Variants in ANO2 observed in about 807,000 individuals in gnomAD.
The protein encoded by ANO2 is anoctamin-2.
In ANO2, 101 loss-of-function variants were observed where a neutral mutation model predicts 124.2. The ratio of observed to expected loss-of-function variants is 0.81; its 90% CI spans 0.69 to 0.96. ANO2 has a LOEUF of 0.96. ANO2 is among the 40% of genes least tolerant of loss of function. The pLI, the probability that ANO2 is intolerant of heterozygous loss-of-function variation, is 0.00. For synonymous variants in ANO2, 486 were observed against 482.5 expected (o/e 1.01, Z -0.09); for missense variants, 1,293 against 1,274.5 (o/e 1.01, Z -0.22).
At chr12:5,733,711 T>C (rs576367437) in intron 13 of ANO2, among the ~76,000 whole-genome samples, 1 of 152,160 alleles carries the variant, frequency 6.6e-6, no homozygotes, top group Non-Finnish European at 1.5e-5. Context: ...CTAAAACAAC[T>C]GCAGGCGGTG....
rs528232834 is a variant in ANO2 at position 5,657,123 on chromosome 12, A to G, written c.1546-9322T>C. ...ACGAATGACTTCAGTAAACCAGGGC[A>G]GCTTAAATTGCATGACAGATAGGAG... On this transcript the variant is annotated intron_variant, in intron 14 of 24. Coordinates refer to ENST00000682330, the MANE Select transcript of ANO2 (RefSeq NM_001364791.2). 7.2e-5 allele frequency among the ~76,000 whole-genome samples: 11 copies of G among 152,386 alleles called. No homozygotes were observed. The South Asian group carries it at 2.3e-3, about 32-fold the overall frequency.
rs149895336 is a variant in ANO2 at position 5,933,574 on chromosome 12, C to A, written c.23-10770G>T. On this transcript the variant is annotated intron_variant, in intron 1 of 24. Coordinates refer to ENST00000682330, the MANE Select transcript of ANO2 (RefSeq NM_001364791.2). Reference sequence around the variant, plus strand: ...GATTCCTAACTGTTTTTCTGATACACGTACCCTTTATAAAATTCACAAAAT... The same window carrying A: ...GATTCCTAACTGTTTTTCTGATACAAGTACCCTTTATAAAATTCACAAAAT... 5.6e-3 allele frequency among the ~76,000 whole-genome samples: 847 copies of A among 152,252 alleles called. 13 individuals are homozygous for A. The highest frequency in any genetic ancestry group is 0.02 in the African/African-American group (811 of 41,560).
At chr12:5,697,169 C>T (rs1287990342) in intron 14 of ANO2, among the ~76,000 whole-genome samples, 1 of 152,160 alleles carries the variant, frequency 6.6e-6, no homozygotes, top group Non-Finnish European at 1.5e-5. Context: ...CATGGTGGCT[C>T]ACACCTGTAA....
rs542237106 is a variant in ANO2, at chr12:5,921,429, G to A, written c.208-63C>T. 2.9e-5 allele frequency: 44 copies of A among 1,502,314 alleles called. No individual in the cohort carries two copies. The African/African-American group carries it at 5.5e-4, about 19-fold the overall frequency. 93.1% of individuals were successfully genotyped at this position (1,502,314 alleles called of 1,614,324 possible). A position where few individuals can be genotyped will look rare whatever the true frequency, so the allele number is the denominator to read the frequency against. ...TGAGTAAGGGGTGAGAAACAGAGGA[G>A]GCTGATCTATGCTCTGGGCTCAGGG... On this transcript the variant is annotated intron_variant, in intron 2 of 24. Coordinates refer to ENST00000682330, the MANE Select transcript of ANO2 (RefSeq NM_001364791.2).
At chr12:5,853,166 ATTTTTTTTTT>A (rs55663635) in intron 4 of ANO2, among the ~76,000 whole-genome samples, 1 of 140,062 alleles carries the variant, frequency 7.1e-6, no homozygotes, top group African/African-American at 2.6e-5. Flanking sequence ...CCCTGGGTAG[ATTTTTTTTTT>A]TTTTTGGTAG....
chr12:5,856,500 C>T (rs916314388), intron 3 of ANO2: 22 of 152,134 alleles, frequency 1.4e-4, no homozygotes, highest in African/African-American at 4.4e-4. Context: ...CCACATCTCC[C>T]TTGCAATGAG....
chr12:5,796,626 G>C (rs1167065092), intron 10 of ANO2, among the ~76,000 whole-genome samples: 1 of 152,192 alleles, frequency 6.6e-6, no homozygotes, highest in Non-Finnish European at 1.5e-5. Flanking sequence ...GGATCGGGAG[G>C]AGAGCCGTGC....
intron 14 of ANO2, among the ~76,000 whole-genome samples, chr12:5,681,630 C>T (rs1052728579): frequency 6.6e-6 from 1 of 152,156 alleles, no homozygotes; most frequent in African/African-American, 2.4e-5. Flanking sequence ...CCCTACTGTT[C>T]TCTGGGTCAC....
At chr12:5,634,221 G>C (rs1945882454) in intron 16 of ANO2, among the ~76,000 whole-genome samples, 1 of 152,208 alleles carries the variant, frequency 6.6e-6, no homozygotes, top group Non-Finnish European at 1.5e-5. Context: ...ACCGTGGGTA[G>C]TGTTACAGTA....
rs1941536525 is a variant in ANO2, at chr12:5,563,230, G to A, written c.*69C>T. The A allele has an allele frequency of 5.3e-6, 8 of 1,515,290 alleles. No individual in the cohort carries two copies. In the South Asian group the frequency reaches 8.8e-5, roughly 17 times the overall value. 93.9% of individuals were successfully genotyped at this position (1,515,290 alleles called of 1,614,324 possible). ...CAGACAGACAGCACGCCATGTGGGT[G>A]TAGGAACATGCTTACGTGCATGTGC... On this transcript the variant is annotated 3_prime_UTR_variant, in exon 25 of 25. Coordinates refer to ENST00000682330, the MANE Select transcript of ANO2 (RefSeq NM_001364791.2).
At chr12:5,931,488 G>A (rs932258430) in intron 1 of ANO2, among the ~76,000 whole-genome samples, 1 of 151,492 alleles carries the variant, frequency 6.6e-6, no homozygotes, top group East Asian at 1.9e-4. Context: ...AGGCCTATAA[G>A]GAAAGAAGGC....
intron 14 of ANO2, among the ~76,000 whole-genome samples, chr12:5,723,863 C>T (rs1187125490): frequency 1.3e-5 from 2 of 152,106 alleles, no homozygotes; most frequent in Non-Finnish European, 2.9e-5. Flanking sequence ...GTGCACAGAT[C>T]CTCTGAAGCA....
At chr12:5,727,959 A>G (rs1592004489) in intron 14 of ANO2, among the ~76,000 whole-genome samples, 1 of 151,988 alleles carries the variant, frequency 6.6e-6, no homozygotes, top group African/African-American at 2.4e-5. Flanking sequence ...GGCGCCCGCC[A>G]CCACGCCCAG....
chr12:5,644,140 T>C (rs557232619), intron 15 of ANO2, among the ~76,000 whole-genome samples: 24 of 152,314 alleles, frequency 1.6e-4, no homozygotes, highest in African/African-American at 5.8e-4. Context: ...ATTTAAAAAC[T>C]CGATTGTTTT....
intron 3 of ANO2, among the ~76,000 whole-genome samples, chr12:5,917,137 A>G (rs1343836003): frequency 6.6e-6 from 1 of 152,088 alleles, no homozygotes; most frequent in Non-Finnish European, 1.5e-5. Context: ...CCAGTCTAAC[A>G]CTGGTCAGTC....
rs187743074 is a variant in ANO2, at chr12:5,859,839, A to G, written c.535-5698T>C. The stretch of plus-strand genomic sequence containing the variant: ...GTGAGTCACCACATCTGACCTGTCC[A>G]TTTCTTTTAACTCATGATGTCCACT... On this transcript the variant is annotated intron_variant, in intron 3 of 24. Transcript: ENST00000682330. Among the ~76,000 whole-genome samples, 33 of 152,210 alleles carry G rather than the reference A, an allele frequency of 2.2e-4. No homozygotes were observed. In the East Asian group the frequency reaches 5.6e-3, roughly 26 times the overall value.
rs75302703 is a variant in ANO2 at position 5,774,189 on chromosome 12, T to A, written c.1056-23219A>T. 2.2e-3 allele frequency among the ~76,000 whole-genome samples: 333 copies of A among 152,338 alleles called. 1 individual carries two copies. Among genetic ancestry groups the A allele is most frequent in the African/African-American group, 7.4e-3 (306 of 41,578 alleles). On this transcript the variant is annotated intron_variant, in intron 10 of 24. Transcript: ENST00000682330. ...TTGTTCTTGGGCAGGACGCAGTGGCTCACACCTATAATCCCAGCACTTTGG... is the reference window on the plus strand; with the variant it reads ...TTGTTCTTGGGCAGGACGCAGTGGCACACACCTATAATCCCAGCACTTTGG...
intron 19 of ANO2, among the ~76,000 whole-genome samples, chr12:5,610,754 A>AT (rs1414746179): frequency 7.0e-6 from 1 of 142,532 alleles, no homozygotes; most frequent in Non-Finnish European, 1.5e-5. Context: ...GAAAATAAAT[A>AT]ACATGGAAAA....
chr12:5,784,469 G>C (rs1952487296), intron 10 of ANO2, among the ~76,000 whole-genome samples: 1 of 152,190 alleles, frequency 6.6e-6, no homozygotes, highest in Non-Finnish European at 1.5e-5. Context: ...AATGATGAGT[G>C]AGTTAATGAC....
Sources: allele counts gnomAD v4.1 joint callset (sites outside exome capture counted in the v4.1 genomes callset), GRCh38; gene constraint gnomAD v4.1.1; transcripts MANE v1.5; gene names NCBI Gene and HGNC (gene_info 2026-07-23, HGNC 2026-07-21).